The following IMMP2L variants were observed in gnomAD, a reference collection of about 807,000 sequenced individuals.
IMMP2L encodes inner mitochondrial membrane peptidase subunit 2, also known as mitochondrial inner membrane protease subunit 2.
Under a neutral mutation model 19.3 loss-of-function variants are expected in IMMP2L, and 18 were observed. The observed-to-expected ratio is 0.93, with a 90% confidence interval of 0.64 to 1.38. IMMP2L has a LOEUF of 1.38. Ranked by LOEUF, IMMP2L falls within the 40% of genes most tolerant of loss-of-function variation. IMMP2L has a pLI of 0.00. For missense variants in IMMP2L, 233 were observed against 218.2 expected (o/e 1.07, Z -0.43); for synonymous variants, 76 against 73.0 (o/e 1.04, Z -0.21).
chr7:111,458,033 C>T (rs1009822513), intron 3 of IMMP2L, among the ~76,000 whole-genome samples: 2 of 151,734 alleles, frequency 1.3e-5, no homozygotes, highest in Non-Finnish European at 2.9e-5. Flanking sequence ...CTTACTCTAT[C>T]GAGTCTTTAA....
At chr7:111,250,064 G>C (rs1815909569) in intron 3 of IMMP2L, among the ~76,000 whole-genome samples, 1 of 152,064 alleles carries the variant, frequency 6.6e-6, no homozygotes. Context: ...AAAGTCTCAG[G>C]ATACAAAATC....
intron 3 of IMMP2L, among the ~76,000 whole-genome samples, chr7:111,055,699 T>A (rs1179346714): frequency 6.6e-6 from 1 of 152,140 alleles, no homozygotes; most frequent in Non-Finnish European, 1.5e-5. Context: ...GACAACTGAC[T>A]GAAAAATAAT....
At chr7:111,185,044 C>T (rs1308820420) in intron 3 of IMMP2L, among the ~76,000 whole-genome samples, 1 of 152,150 alleles carries the variant, frequency 6.6e-6, no homozygotes, top group Non-Finnish European at 1.5e-5. Context: ...ACCTTTGTTG[C>T]TGATCTGTAC....
chr7:111,071,799 G>C (rs893078738), intron 3 of IMMP2L, among the ~76,000 whole-genome samples: 2 of 152,106 alleles, frequency 1.3e-5, no homozygotes, highest in African/African-American at 4.8e-5. Flanking sequence ...TTTGTAACTT[G>C]ATATAGGTGG....
At chr7:111,190,268 T>C (rs942535240) in intron 3 of IMMP2L, among the ~76,000 whole-genome samples, 16 of 152,038 alleles carry the variant, frequency 1.1e-4, no homozygotes, top group African/African-American at 3.9e-4. Context: ...CTATTTTTCA[T>C]TCTCAAGGTA....
chr7:111,098,877 A>T (rs1160134311), intron 3 of IMMP2L, among the ~76,000 whole-genome samples: 1 of 151,766 alleles, frequency 6.6e-6, no homozygotes, highest in Non-Finnish European at 1.5e-5. Context: ...GCTAGTTGAT[A>T]TCGCCTTCCA....
chr7:111,164,943 T>C (rs1805663580), intron 3 of IMMP2L, among the ~76,000 whole-genome samples: 1 of 152,124 alleles, frequency 6.6e-6, no homozygotes, highest in African/African-American at 2.4e-5. Context: ...ATCTTAATTA[T>C]ATTTAAGTGT....
chr7:111,383,209 G>T (rs1191410488), intron 3 of IMMP2L, among the ~76,000 whole-genome samples: 1 of 152,062 alleles, frequency 6.6e-6, no homozygotes, highest in Non-Finnish European at 1.5e-5. Flanking sequence ...ACCCTAATTA[G>T]TTCCTTCCCA....
chr7:111,125,106 G>A (rs994966935), intron 3 of IMMP2L: 11 of 457,408 alleles, frequency 2.4e-5, no homozygotes, highest in Admixed American at 2.4e-4. Context: ...GGCTTCAAGG[G>A]GTACTGTGGC....
At chr7:111,328,494 T>C (rs1341245020) in intron 3 of IMMP2L, among the ~76,000 whole-genome samples, 1 of 151,786 alleles carries the variant, frequency 6.6e-6, no homozygotes, top group African/African-American at 2.4e-5. Flanking sequence ...TCTAAAAGCA[T>C]TACAAAGTTT....
chr7:110,889,108 G>A (rs1563056857), intron 4 of IMMP2L, among the ~76,000 whole-genome samples: 2 of 152,076 alleles, frequency 1.3e-5, no homozygotes, highest in Non-Finnish European at 2.9e-5. Context: ...CTTTAAAGTG[G>A]GACAAGACAT....
intron 3 of IMMP2L, among the ~76,000 whole-genome samples, chr7:111,313,502 T>C (rs1167572066): frequency 6.6e-6 from 1 of 152,162 alleles, no homozygotes; most frequent in Non-Finnish European, 1.5e-5. Flanking sequence ...ATTAAATATA[T>C]GTTTTATGGT....
intron 3 of IMMP2L, among the ~76,000 whole-genome samples, chr7:111,219,137 A>G (rs539033573): frequency 4.1e-4 from 63 of 152,192 alleles, no homozygotes; most frequent in African/African-American, 1.4e-3. Context: ...TTAGCTGTTT[A>G]GCTGTTAACC....
intron 3 of IMMP2L, among the ~76,000 whole-genome samples, chr7:111,256,578 C>A (rs1816722471): frequency 6.6e-6 from 1 of 152,046 alleles, no homozygotes; most frequent in Non-Finnish European, 1.5e-5. Context: ...AAGATGCTTG[C>A]AGCTTCTCAT....
At chr7:110,898,355 G>A (rs1811530133) in intron 4 of IMMP2L, among the ~76,000 whole-genome samples, 1 of 151,956 alleles carries the variant, frequency 6.6e-6, no homozygotes, top group South Asian at 2.1e-4. Context: ...AATGTTAGAG[G>A]GCAAGAACAG....
chr7:110,909,997 A>G (rs556029185), intron 4 of IMMP2L, among the ~76,000 whole-genome samples: 1 of 152,074 alleles, frequency 6.6e-6, no homozygotes, highest in African/African-American at 2.4e-5. Context: ...GAATACTACT[A>G]TGGACTAAAG....
chr7:111,515,153 A>G lies in IMMP2L; in HGVS notation c.135+6160T>C, dbSNP rs1407105589. ...CATCAAACTTTATCTTTGGGATTCT[A>G]TAAGGCCTGGTTGCAAGCTGCATGT... On this transcript the variant is annotated intron_variant, in intron 2 of 5. Coordinates refer to ENST00000405709, the MANE Select transcript of IMMP2L (RefSeq NM_032549.4). Among the ~76,000 whole-genome samples, 8 of 152,100 alleles carry G rather than the reference A, an allele frequency of 5.3e-5. No homozygotes were observed. In the South Asian group the frequency reaches 6.2e-4, roughly 12 times the overall value.
chr7:111,383,378 T>A lies in IMMP2L; in HGVS notation c.239+103860A>T, dbSNP rs147936064. On this transcript the variant is annotated intron_variant, in intron 3 of 5. Coordinates refer to ENST00000405709, the MANE Select transcript of IMMP2L (RefSeq NM_032549.4). The stretch of plus-strand genomic sequence containing the variant: ...GCAGGATCTGGTCCTCCAGGCTGAG[T>A]GGTCATAATTATTTTGTGTGATTAA... 5.1e-4 allele frequency among the ~76,000 whole-genome samples: 77 copies of A among 152,154 alleles called. No homozygotes were observed. In the Middle Eastern group the frequency reaches 0.017, roughly 34 times the overall value.
intron 3 of IMMP2L, among the ~76,000 whole-genome samples, chr7:111,465,448 G>A (rs1365240749): frequency 1.5e-5 from 2 of 130,428 alleles, no homozygotes; most frequent in Non-Finnish European, 3.2e-5. Context: ...ACTTAGTTTT[G>A]TTTAATTGTT....
Sources: allele counts gnomAD v4.1 joint callset (sites outside exome capture counted in the v4.1 genomes callset), GRCh38; gene constraint gnomAD v4.1.1; transcripts MANE v1.5; gene names NCBI Gene and HGNC (gene_info 2026-07-23, HGNC 2026-07-21).